Variants in CDH4 observed in about 807,000 individuals in gnomAD.
The protein encoded by CDH4 is cadherin 4, also known as cadherin-4.
In CDH4, 33 loss-of-function variants were observed where a neutral mutation model predicts 86.0. The observed-to-expected ratio is 0.38, with a 90% CI of 0.29 to 0.51. The LOEUF (loss-of-function observed/expected upper bound fraction) is 0.51, where lower values mean the gene tolerates loss of function less well. Ranked by LOEUF, CDH4 falls within the 20% of genes least tolerant of loss-of-function variation. The pLI, the probability that CDH4 is intolerant of heterozygous loss-of-function variation, is 0.86. For missense variants in CDH4, 1,114 were observed against 1,307.4 expected (o/e 0.85, Z 2.28); for synonymous variants, 555 against 549.4 (o/e 1.01, Z -0.14).
At chr20:61,846,254 A>G (rs1982448117) in intron 5 of CDH4, among the ~76,000 whole-genome samples, 1 of 152,190 alleles carries the variant, frequency 6.6e-6, no homozygotes, top group South Asian at 2.1e-4. Flanking sequence ...GGGAGACCTG[A>G]TTGACAGTGC....
In CDH4 at chr20:61,393,146, G is replaced by A. The variant is rs996137237; in HGVS notation, c.169+138209G>A. Among the ~76,000 whole-genome samples the A allele has an allele frequency of 6.6e-6, 1 of 152,090 alleles. No individual in the cohort carries two copies. Among genetic ancestry groups the A allele is most frequent in the African/African-American group, 2.4e-5 (1 of 41,412 alleles). ...TCTTTATTATCTCATCTGACCTGAG[G>A]GCCTTCATTTGGTTTATACAGAGCA... On this transcript the variant is annotated intron_variant, in intron 2 of 15. Transcript: ENST00000614565. The surrounding 1 kb of genome is among the most constrained non-coding windows in gnomAD (Gnocchi z 4.3).
chr20:61,343,727 T>C (rs2123286720), intron 2 of CDH4, among the ~76,000 whole-genome samples: 1 of 152,320 alleles, frequency 6.6e-6, no homozygotes, highest in Middle Eastern at 3.4e-3. Context: ...TAGGTGCTCT[T>C]CTAGTACCAT....
At chr20:61,931,511 G>T (rs1453921026) in intron 13 of CDH4, among the ~76,000 whole-genome samples, 1 of 152,188 alleles carries the variant, frequency 6.6e-6, no homozygotes, top group African/African-American at 2.4e-5. Context: ...CTGGGGGGTC[G>T]CCGCCCCTCT....
rs551845289 is a variant in CDH4 at position 61,518,474 on chromosome 20, A to G, written c.170-225089A>G. 6.6e-6 allele frequency among the ~76,000 whole-genome samples: 1 copy of G among 151,426 alleles called. No individual in the cohort carries two copies. Reference sequence around the variant, plus strand: ...TCCGTCATCCACCCATCGTCCATCCATCCATCCTTCCATCATTGATTCATC... The same window carrying G: ...TCCGTCATCCACCCATCGTCCATCCGTCCATCCTTCCATCATTGATTCATC... On this transcript the variant is annotated intron_variant, in intron 2 of 15. Coordinates refer to ENST00000614565, the MANE Select transcript of CDH4 (RefSeq NM_001794.5). The surrounding 1 kb of genome is among the most constrained non-coding windows in gnomAD (Gnocchi z 6.3).
chr20:61,837,913 T>C (rs1981953573), intron 4 of CDH4, among the ~76,000 whole-genome samples: 1 of 151,988 alleles, frequency 6.6e-6, no homozygotes, highest in Non-Finnish European at 1.5e-5. Context: ...TCCCCTCCCA[T>C]CTCCCTTCCC....
intron 2 of CDH4, among the ~76,000 whole-genome samples, chr20:61,521,889 G>T (rs1395652279): frequency 6.6e-6 from 1 of 152,216 alleles, no homozygotes; most frequent in East Asian, 1.9e-4. Flanking sequence ...CCTGTTGGAG[G>T]TCTGCAAGCA....
chr20:61,348,178 C>T (rs979955554), intron 2 of CDH4, among the ~76,000 whole-genome samples: 18 of 152,118 alleles, frequency 1.2e-4, no homozygotes, highest in Non-Finnish European at 2.4e-4. Flanking sequence ...TTAATGGACT[C>T]GCAGTTCCAC....
At chr20:61,343,850 C>G (rs962288399) in intron 2 of CDH4, among the ~76,000 whole-genome samples, 6 of 152,090 alleles carry the variant, frequency 3.9e-5, no homozygotes, top group African/African-American at 1.4e-4. Flanking sequence ...ATGTGCCTGT[C>G]ACAGCAAAGA....
chr20:61,565,307 T>TTGGTGG (rs1555809188), intron 2 of CDH4, among the ~76,000 whole-genome samples: 2 of 42,574 alleles, frequency 4.7e-5, no homozygotes, highest in Middle Eastern at 0.019. Flanking sequence ...GGCGGTGCTC[T>TTGGTGG]TGGTGGTGGC....
At chr20:61,679,703 G>A (rs533931959) in intron 2 of CDH4, among the ~76,000 whole-genome samples, 7 of 152,232 alleles carry the variant, frequency 4.6e-5, no homozygotes, top group South Asian at 2.1e-4. Flanking sequence ...CTGTGAGCAC[G>A]CCAAGGCCCA....
intron 6 of CDH4, among the ~76,000 whole-genome samples, chr20:61,856,383 C>T (rs1310608752): frequency 6.9e-6 from 1 of 145,924 alleles, no homozygotes; most frequent in Non-Finnish European, 1.5e-5. Context: ...CACTCTTCTC[C>T]AGCCCCCCGG....
chr20:61,595,115 T>G (rs1283261907), intron 2 of CDH4, among the ~76,000 whole-genome samples: 1 of 152,198 alleles, frequency 6.6e-6, no homozygotes, highest in Non-Finnish European at 1.5e-5. Context: ...AATCAGGACC[T>G]GTGCAGCGCC....
chr20:61,350,116 TC>T, intron 2 of CDH4, among the ~76,000 whole-genome samples: 1 of 108,134 alleles, frequency 9.2e-6, no homozygotes, highest in Non-Finnish European at 1.9e-5. Flanking sequence ...CACCTCCCCC[TC>T]CCCCAGTGCT....
At chr20:61,520,775 T>C (rs1042531022) in intron 2 of CDH4, among the ~76,000 whole-genome samples, 1 of 152,248 alleles carries the variant, frequency 6.6e-6, no homozygotes, top group African/African-American at 2.4e-5. Context: ...CCCCCCGTAC[T>C]GCTTATTAGA....
rs2085152768 is a variant in CDH4, at chr20:61,417,380, C to T, written c.169+162443C>T. ...CTCTCCTCCCTCTCCCTGTTACCAG[C>T]AAACCTGCTGAGGTCACCTATTCCA... On this transcript the variant is annotated intron_variant, in intron 2 of 15. Coordinates refer to ENST00000614565, the MANE Select transcript of CDH4 (RefSeq NM_001794.5). This position sits in a 1 kb window ranked among gnomAD's most constrained non-coding sequence, Gnocchi z 4.0. Among the ~76,000 whole-genome samples, 9 of 152,216 alleles carry T rather than the reference C, an allele frequency of 5.9e-5. No homozygotes were observed. In the South Asian group the frequency reaches 1.9e-3, roughly 32 times the overall value.
At chr20:61,468,040 G>GC (rs2085482984) in intron 2 of CDH4, among the ~76,000 whole-genome samples, 1 of 152,248 alleles carries the variant, frequency 6.6e-6, no homozygotes, top group African/African-American at 2.4e-5. Context: ...AGCACAGGGT[G>GC]TGGCAGTGTA....
chr20:61,928,532 C>A, intron 12 of CDH4, 109 bp downstream of exon 12: 3 of 872,762 alleles, frequency 3.4e-6, no homozygotes, highest in Non-Finnish European at 5.5e-6. Flanking sequence ...TGACAGTCCT[C>A]CAACAGGACT....
chr20:61,435,622 T>A (rs1292916855), intron 2 of CDH4: 1 of 152,354 alleles, frequency 6.6e-6, no homozygotes, highest in African/African-American at 2.4e-5. Flanking sequence ...GGGCCGAGCC[T>A]GGGCCAACAC....
intron 2 of CDH4, among the ~76,000 whole-genome samples, chr20:61,364,825 C>T (rs1277534572): frequency 6.6e-6 from 1 of 152,204 alleles, no homozygotes; most frequent in Non-Finnish European, 1.5e-5. Context: ...GTTGCAAGAT[C>T]CCTTGTGGCT....
Sources: gnomAD v4.1 joint callset for allele counts (sites outside exome capture counted in the v4.1 genomes callset) on GRCh38, gnomAD v4.1.1 for gene constraint, Gnocchi (gnomAD v3.1) non-coding constraint, MANE v1.5 for transcripts, NCBI Gene and HGNC (gene_info 2026-07-23, HGNC 2026-07-21) for gene names.